Variants in LRRC4C observed in about 807,000 individuals in gnomAD.
LRRC4C encodes the protein leucine-rich repeat-containing protein 4C.
A neutral mutation model predicts 33.6 loss-of-function variants in LRRC4C; 5 were observed. The observed-to-expected ratio is 0.15, with a 90% CI of 0.08 to 0.31. The LOEUF (loss-of-function observed/expected upper bound fraction) is 0.31, where lower values mean the gene tolerates loss of function less well. LRRC4C is among the 10% of genes least tolerant of loss of function. The pLI, the probability that LRRC4C is intolerant of heterozygous loss-of-function variation, is 1.00. For synonymous variants in LRRC4C, 329 were observed against 302.0 expected, an observed-to-expected ratio of 1.09 and a Z score of -0.93; for missense variants, 560 against 796.7, an observed-to-expected ratio of 0.70 and a Z score of 3.58.
At chr11:41,268,049 C>G (rs554699268) in intron 1 of LRRC4C, among the ~76,000 whole-genome samples, 2 of 152,182 alleles carry the variant, frequency 1.3e-5, no homozygotes, top group South Asian at 4.1e-4. Context: ...TTGTGCTATA[C>G]TAATGCTGTA....
intron 1 of LRRC4C, among the ~76,000 whole-genome samples, chr11:40,948,583 G>A (rs1265031299): frequency 2.2e-5 from 3 of 139,360 alleles, no homozygotes; most frequent in South Asian, 4.8e-4. Flanking sequence ...TGTTCTCATT[G>A]TTCAATTCCC....
intron 4 of LRRC4C, among the ~76,000 whole-genome samples, chr11:40,271,079 G>A (rs1439628708): frequency 1.3e-5 from 2 of 152,164 alleles, no homozygotes; most frequent in Admixed American, 6.5e-5. Flanking sequence ...ATTCATACAC[G>A]AAAGGATAGG....
rs188359429 is a variant in LRRC4C, at chr11:40,704,713, A to G, written c.-406-56435T>C. The stretch of plus-strand genomic sequence containing the variant: ...GGTTATGATCAGGATTAATTAAAGT[A>G]ACATACGTCAAGTGCTTAGGCTAGT... On this transcript the variant is annotated intron_variant, in intron 2 of 6. Coordinates refer to ENST00000528697, the MANE Select transcript of LRRC4C (RefSeq NM_001258419.2). Among the ~76,000 whole-genome samples, 211 of 152,324 alleles carry G rather than the reference A, an allele frequency of 1.4e-3. 1 individual carries two copies. The highest frequency in any genetic ancestry group is 4.9e-3 in the African/African-American group (205 of 41,574).
At chr11:40,243,403 G>A (rs986904951) in intron 4 of LRRC4C, among the ~76,000 whole-genome samples, 3 of 152,068 alleles carry the variant, frequency 2.0e-5, no homozygotes, top group Non-Finnish European at 4.4e-5. Flanking sequence ...TGAAAGGTAG[G>A]TAGAAAACTA....
intron 4 of LRRC4C, among the ~76,000 whole-genome samples, chr11:40,283,411 C>T (rs758303506): frequency 2.6e-5 from 4 of 151,492 alleles, no homozygotes; most frequent in Admixed American, 6.6e-5. Context: ...TACATGTTGT[C>T]TATTAGTAAA....
At chr11:40,851,633 G>A (rs2135746447) in intron 2 of LRRC4C, among the ~76,000 whole-genome samples, 1 of 152,130 alleles carries the variant, frequency 6.6e-6, no homozygotes, top group East Asian at 1.9e-4. Flanking sequence ...AATGAAAACA[G>A]CCAAAAGGAA....
chr11:40,665,356 A>ATATG (rs1943737627), intron 2 of LRRC4C, among the ~76,000 whole-genome samples: 2 of 14,764 alleles, frequency 1.4e-4, no homozygotes, highest in African/African-American at 3.9e-4. Flanking sequence ...ATATATATAT[A>ATATG]TATATATGTA....
At chr11:40,344,057 A>C (rs1464038772) in intron 3 of LRRC4C, among the ~76,000 whole-genome samples, 2 of 152,130 alleles carry the variant, frequency 1.3e-5, no homozygotes. Flanking sequence ...TTACAGCCAA[A>C]TTCTACTAGA....
rs149230946 is a variant in LRRC4C at position 40,983,159 on chromosome 11, G to A, written c.-495-49436C>T. Among the ~76,000 whole-genome samples the A allele has an allele frequency of 7.2e-3, 1,095 of 152,202 alleles. 9 individuals are homozygous for A. Among genetic ancestry groups the A allele is most frequent in the African/African-American group, 0.025 (1,034 of 41,518 alleles). ...AAAGCATACATATGTCTTTACAATA[G>A]AATGATTTATATTCCTTTGGGTATA... On this transcript the variant is annotated intron_variant, in intron 1 of 6. Coordinates refer to ENST00000528697, the MANE Select transcript of LRRC4C (RefSeq NM_001258419.2).
intron 4 of LRRC4C, among the ~76,000 whole-genome samples, chr11:40,312,636 G>A (rs1945371057): frequency 6.6e-6 from 1 of 152,112 alleles, no homozygotes; most frequent in African/African-American, 2.4e-5. Flanking sequence ...TAAAAGAAAG[G>A]CAAATTCAAG....
Position 40,825,456 on chromosome 11 carries a change from G to A in LRRC4C, c.-407+108179C>T, listed in dbSNP as rs542471985. Among the ~76,000 whole-genome samples the A allele has an allele frequency of 3.9e-5, 6 of 151,906 alleles. No individual in the cohort carries two copies. In the South Asian group the frequency reaches 1.2e-3, roughly 32 times the overall value. On this transcript the variant is annotated intron_variant, in intron 2 of 6. Transcript: ENST00000528697. ...AAATTACAATCTGCCATCTCTACTT[G>A]ACATCTAAACTCAGTCCTTTCTCTC...
At chr11:41,043,157 T>G (rs371109599) in intron 1 of LRRC4C, among the ~76,000 whole-genome samples, 13 of 150,796 alleles carry the variant, frequency 8.6e-5, no homozygotes, top group African/African-American at 3.2e-4. Context: ...TTTCTTCTTA[T>G]GTTCCAGCAG....
chr11:40,693,133 C>CACTT (rs772049515), intron 2 of LRRC4C, among the ~76,000 whole-genome samples: 12 of 152,062 alleles, frequency 7.9e-5, no homozygotes, highest in African/African-American at 1.2e-4. Flanking sequence ...CACCTCTGCA[C>CACTT]ACTTACATAC....
intron 3 of LRRC4C, among the ~76,000 whole-genome samples, chr11:40,361,639 T>C (rs1842842304): frequency 6.6e-6 from 1 of 152,156 alleles, no homozygotes; most frequent in Admixed American, 6.5e-5. Flanking sequence ...TGCTCATGGA[T>C]AGGAAGAATC....
intron 5 of LRRC4C, among the ~76,000 whole-genome samples, chr11:40,208,544 AG>A (rs749452566): frequency 2.0e-5 from 3 of 152,156 alleles, no homozygotes; most frequent in Non-Finnish European, 4.4e-5. Flanking sequence ...GAAAACAAGC[AG>A]GGAAAACAAG....
At chr11:40,498,154 A>C (rs1242505265) in intron 3 of LRRC4C, among the ~76,000 whole-genome samples, 1 of 152,186 alleles carries the variant, frequency 6.6e-6, no homozygotes, top group Non-Finnish European at 1.5e-5. Flanking sequence ...AAATTTAGCT[A>C]TTCCTTTTTG....
At chr11:40,528,971 A>T (rs1173873739) in intron 3 of LRRC4C, among the ~76,000 whole-genome samples, 2 of 152,148 alleles carry the variant, frequency 1.3e-5, no homozygotes, top group Non-Finnish European at 2.9e-5. Context: ...AATATAGGTT[A>T]CCAGTGTCAG....
chr11:40,823,907 C>T (rs1490197210), intron 2 of LRRC4C, among the ~76,000 whole-genome samples: 1 of 151,690 alleles, frequency 6.6e-6, no homozygotes, highest in Non-Finnish European at 1.5e-5. Context: ...TTCATAATAG[C>T]CCAAGAATTG....
At chr11:40,632,206 A>C (rs2136025492) in intron 3 of LRRC4C, among the ~76,000 whole-genome samples, 1 of 152,346 alleles carries the variant, frequency 6.6e-6, no homozygotes, top group South Asian at 2.1e-4. Flanking sequence ...GGCTGAATTC[A>C]AAATTAGGTA....
Sources: gnomAD v4.1 joint callset for allele counts (sites outside exome capture counted in the v4.1 genomes callset) on GRCh38, gnomAD v4.1.1 for gene constraint, MANE v1.5 for transcripts, NCBI Gene and HGNC (gene_info 2026-07-23, HGNC 2026-07-21) for gene names.